Variants in NSMCE2 observed in about 807,000 individuals in gnomAD.
NSMCE2 encodes the protein E3 SUMO-protein ligase NSE2.
Under a neutral mutation model 23.8 loss-of-function variants are expected in NSMCE2, and 24 were observed. The ratio of observed to expected loss-of-function variants is 1.01; its 90% CI spans 0.73 to 1.42. NSMCE2 has a LOEUF of 1.42. Among genes scored for constraint, NSMCE2 ranks in the 40% most tolerant of loss-of-function variants. NSMCE2 has a pLI of 0.00. For synonymous variants in NSMCE2, 92 were observed against 94.1 expected, an observed-to-expected ratio of 0.98 and a Z score of 0.13; for missense variants, 284 against 296.5, an observed-to-expected ratio of 0.96 and a Z score of 0.31.
At chr8:125,180,936 G>A (rs946562187) in intron 4 of NSMCE2, among the ~76,000 whole-genome samples, 1 of 152,156 alleles carries the variant, frequency 6.6e-6, no homozygotes, top group African/African-American at 2.4e-5. Flanking sequence ...ATCTTTCAAG[G>A]AGTTTATTAG....
At chr8:125,186,593 C>T (rs1374335500) in intron 5 of NSMCE2, among the ~76,000 whole-genome samples, 1 of 152,104 alleles carries the variant, frequency 6.6e-6, no homozygotes, top group African/African-American at 2.4e-5. Flanking sequence ...TAACAAATAT[C>T]AACTCAAAAG....
chr8:125,203,085 G>A (rs1261095936), intron 5 of NSMCE2, among the ~76,000 whole-genome samples: 1 of 151,900 alleles, frequency 6.6e-6, no homozygotes, highest in East Asian at 1.9e-4. Flanking sequence ...CTATCACTAT[G>A]TACTCTGTGG....
At chr8:125,210,619 T>G (rs1011107723) in intron 5 of NSMCE2, among the ~76,000 whole-genome samples, 1 of 152,174 alleles carries the variant, frequency 6.6e-6, no homozygotes, top group Admixed American at 6.5e-5. Flanking sequence ...AGCCTAAAAA[T>G]TGCCTCATTT....
intron 5 of NSMCE2, among the ~76,000 whole-genome samples, chr8:125,346,390 G>A (rs906568099): frequency 1.2e-4 from 19 of 152,218 alleles, no homozygotes; most frequent in Non-Finnish European, 2.8e-4. Context: ...ACTGTCTTGA[G>A]TACCTGCACA....
At chr8:125,093,944 A>C (rs1191161260) in intron 1 of NSMCE2, among the ~76,000 whole-genome samples, 2 of 152,012 alleles carry the variant, frequency 1.3e-5, no homozygotes, top group Non-Finnish European at 2.9e-5. Flanking sequence ...CAATAGGTGC[A>C]AGCCACTATG....
At chr8:125,222,928 G>A (rs1824931416) in intron 5 of NSMCE2, among the ~76,000 whole-genome samples, 1 of 151,872 alleles carries the variant, frequency 6.6e-6, no homozygotes, top group Non-Finnish European at 1.5e-5. Flanking sequence ...CAGGTGTGGT[G>A]GTGTGTGCCT....
At chr8:125,219,745 A>G (rs80080276) in intron 5 of NSMCE2, among the ~76,000 whole-genome samples, 1 of 152,218 alleles carries the variant, frequency 6.6e-6, no homozygotes, top group East Asian at 1.9e-4. Flanking sequence ...ATAAAATGTC[A>G]CTGAAGTTTT....
In NSMCE2 at chr8:125,313,593, T is replaced by G. The variant is rs376994069; in HGVS notation, c.419-43626T>G. Among the ~76,000 whole-genome samples the G allele has an allele frequency of 3.9e-5, 6 of 152,324 alleles. No homozygotes were observed. In the East Asian group the frequency reaches 9.7e-4, roughly 25 times the overall value. ...CAGCTTAGCTCTTTTGTTGTCACCTTCCACATAAAGGAGACTGAAGCAAAG... is the reference window on the plus strand; with the variant it reads ...CAGCTTAGCTCTTTTGTTGTCACCTGCCACATAAAGGAGACTGAAGCAAAG... On this transcript the variant is annotated intron_variant, in intron 5 of 7. Coordinates refer to ENST00000287437, the MANE Select transcript of NSMCE2 (RefSeq NM_173685.4).
At chr8:125,121,294 A>G (rs572798384) in intron 3 of NSMCE2, among the ~76,000 whole-genome samples, 1 of 152,342 alleles carries the variant, frequency 6.6e-6, no homozygotes, top group South Asian at 2.1e-4. Flanking sequence ...ACTCCAAGAC[A>G]AAGATTTGCG....
intron 5 of NSMCE2, among the ~76,000 whole-genome samples, chr8:125,240,802 T>G (rs1825739007): frequency 6.6e-6 from 1 of 152,172 alleles, no homozygotes; most frequent in African/African-American, 2.4e-5. Flanking sequence ...ATTTGTAGAA[T>G]TATTGGTTTT....
chr8:125,329,202 A>G (rs973552069), intron 5 of NSMCE2, among the ~76,000 whole-genome samples: 14 of 152,224 alleles, frequency 9.2e-5, no homozygotes, highest in African/African-American at 3.1e-4. Flanking sequence ...GCAGCGGGCA[A>G]TCCTTCCTTA....
At chr8:125,136,937 G>T (rs1254480947) in intron 3 of NSMCE2, among the ~76,000 whole-genome samples, 1 of 152,116 alleles carries the variant, frequency 6.6e-6, no homozygotes, top group Admixed American at 6.6e-5. Context: ...AACTTGCAGT[G>T]TGTGGAGGTG....
intron 5 of NSMCE2, among the ~76,000 whole-genome samples, chr8:125,239,608 CAAA>C (rs71295823): frequency 8.8e-4 from 84 of 95,730 alleles, no homozygotes; most frequent in African/African-American, 2.0e-3. Context: ...GACTCTGTCT[CAAA>C]AAAAAAAAAA....
intron 5 of NSMCE2, among the ~76,000 whole-genome samples, chr8:125,213,653 C>T (rs952106631): frequency 6.8e-6 from 1 of 147,690 alleles, no homozygotes; most frequent in Non-Finnish European, 1.5e-5. Context: ...CTCTCTTTCT[C>T]TGTTTCTCTC....
At chr8:125,365,157 C>T (rs1384045546) in intron 7 of NSMCE2, among the ~76,000 whole-genome samples, 1 of 152,080 alleles carries the variant, frequency 6.6e-6, no homozygotes, top group Non-Finnish European at 1.5e-5. Flanking sequence ...GGCTACTGGG[C>T]ATCCATTCCA....
intron 5 of NSMCE2, among the ~76,000 whole-genome samples, chr8:125,274,258 A>T (rs941222177): frequency 2.0e-5 from 3 of 152,202 alleles, no homozygotes; most frequent in Non-Finnish European, 4.4e-5. Flanking sequence ...GAAACAAAAA[A>T]AAACTTTTTA....
chr8:125,205,781 A>C (rs1175559377), intron 5 of NSMCE2, among the ~76,000 whole-genome samples: 1 of 152,184 alleles, frequency 6.6e-6, no homozygotes, highest in Non-Finnish European at 1.5e-5. Flanking sequence ...AATGGTTAGA[A>C]TTATAGGTTG....
At chr8:125,142,868 C>G (rs1303665746) in intron 3 of NSMCE2, among the ~76,000 whole-genome samples, 1 of 152,198 alleles carries the variant, frequency 6.6e-6, no homozygotes, top group Non-Finnish European at 1.5e-5. Flanking sequence ...TCCCAAAGTG[C>G]TGGGATTACA....
At chr8:125,129,723 T>A (rs553619772) in intron 3 of NSMCE2, among the ~76,000 whole-genome samples, 57 of 152,298 alleles carry the variant, frequency 3.7e-4, no homozygotes, top group African/African-American at 1.0e-3. Context: ...TAAACTTTTT[T>A]AAATGCAACT....
Sources: allele counts gnomAD v4.1 joint callset (sites outside exome capture counted in the v4.1 genomes callset), GRCh38; gene constraint gnomAD v4.1.1; transcripts MANE v1.5; gene names NCBI Gene and HGNC (gene_info 2026-07-23, HGNC 2026-07-21).